Variants in CAV2 observed in about 807,000 individuals in gnomAD.
CAV2 encodes the protein caveolin 2.
Under a neutral mutation model 15.5 loss-of-function variants are expected in CAV2, and 7 were observed. That is an observed-to-expected ratio of 0.45 (90% CI 0.26 to 0.85). CAV2 has a LOEUF of 0.85. Ranked by LOEUF, CAV2 falls within the 40% of genes least tolerant of loss-of-function variation. The pLI is 0.18. For synonymous variants in CAV2, 76 were observed against 83.1 expected, an observed-to-expected ratio of 0.91 and a Z score of 0.46; for missense variants, 229 against 208.8, an observed-to-expected ratio of 1.10 and a Z score of -0.60.
At chr7:116,499,985 C>T in intron 1 of CAV2, 54 bp downstream of exon 1, 2 of 1,583,770 alleles carry the variant, frequency 1.3e-6, no homozygotes, top group Non-Finnish European at 1.7e-6. Flanking sequence ...GAGGTGCGGG[C>T]GCCCCTCAGC....
chr7:116,503,883 AAGAGAGGGAGGGAGGG>A (rs1216602200), intron 2 of CAV2, among the ~76,000 whole-genome samples: 3 of 48,580 alleles, frequency 6.2e-5, no homozygotes. Context: ...GAGAGAAAGA[AAGAGAGGGAGGGAGGG>A]AGGGAGGGAG....
At chr7:116,505,270 C>A (rs913186824) in intron 2 of CAV2, among the ~76,000 whole-genome samples, 2 of 152,134 alleles carry the variant, frequency 1.3e-5, no homozygotes, top group Admixed American at 6.5e-5. Context: ...CTGGCAGAGA[C>A]CAGGTAGATA....
rs1366810891 is a variant in CAV2, at chr7:116,506,118, T to C, written c.486T>C (p.Asp162=). The C allele has an allele frequency of 7.4e-6, 12 of 1,614,110 alleles. No individual in the cohort carries two copies. Among genetic ancestry groups the C allele is most frequent in the Middle Eastern group, 1.6e-4 (1 of 6,062 alleles). The change falls in exon 3 of 3, where the codon GAT becomes GAC. Residue 162 remains aspartate, a synonymous_variant. Coordinates refer to ENST00000222693, the MANE Select transcript of CAV2 (RefSeq NM_001233.5). ...FSSVSLQLSQ[D] ...CTGTCAGCCTGCAACTGAGCCAGGA[T>C]TGAATACTTGGACCCCAGGTCTGGA...
chr7:116,500,467 G>A lies in CAV2; in HGVS notation c.338+20G>A. On this transcript the variant is annotated intron_variant, in intron 2 of 2. Transcript: ENST00000222693. The stretch of plus-strand genomic sequence containing the variant: ...CATCTGGTGAGACGGGGCACACCGG[G>A]TGGACCGGCTTTCTGAAACATGGGC... 1 of 1,605,384 alleles carries A rather than the reference G, an allele frequency of 6.2e-7. No individual in the cohort carries two copies. Among genetic ancestry groups the A allele is most frequent in the Non-Finnish European group, 8.5e-7 (1 of 1,175,208 alleles).
At position 116,499,890 on chromosome 7, in the gene CAV2, G is replaced by T; in HGVS notation, c.109G>T (p.Asp37Tyr). 1 of 1,612,096 alleles carries T rather than the reference G, an allele frequency of 6.2e-7. No homozygotes were observed. Among genetic ancestry groups the T allele is most frequent in the Non-Finnish European group, 8.5e-7 (1 of 1,179,502 alleles). ...CGACCCCGAGAAGTTCGCGGACTCG[G>T]ACCAGGACCGGGATCCCCACCGGCT... ...YADPEKFADSDQDRDPHRLNS... is the reference protein window; with the variant it reads ...YADPEKFADSYQDRDPHRLNS... The change falls in exon 1 of 3, where the codon GAC (aspartate) becomes TAC (tyrosine). Residue 37 changes from aspartate to tyrosine, a missense_variant. By Grantham distance (160) the Asp-to-Tyr change is radical. Transcript: ENST00000222693.
chr7:116,508,384 T>C lies in CAV2; in HGVS notation c.*2263T>C, dbSNP rs1793294030. On this transcript the variant is annotated 3_prime_UTR_variant, in exon 3 of 3. Coordinates refer to ENST00000222693, the MANE Select transcript of CAV2 (RefSeq NM_001233.5). The stretch of plus-strand genomic sequence containing the variant: ...TGGTTACTTTCAAAATGAATTTTTA[T>C]TGAGATTTTCCATTAACTATTTTTT... The C allele has an allele frequency of 6.6e-6, 1 of 152,194 alleles. No homozygotes were observed. The highest frequency in any genetic ancestry group is 1.5e-5 in the Non-Finnish European group (1 of 68,016). The allele number at this position is 152,194 out of a possible 1,614,324, so 9.4% of individuals were successfully genotyped here. A position where few individuals can be genotyped will look rare whatever the true frequency, so the allele number is the denominator to read the frequency against.
chr7:116,500,236 G>C (rs752639459), intron 1 of CAV2, 24 bp from the exon 2 acceptor site: 63 of 1,606,162 alleles, frequency 3.9e-5, no homozygotes, highest in Non-Finnish European at 5.4e-5. Context: ...GACAGTTCGG[G>C]GTCCCTGCGT....
In CAV2 at chr7:116,506,951, T is replaced by C. The variant is rs1793251568; in HGVS notation, c.*830T>C. ...AAGAGCGATACACAAAGCTTTCTTT[T>C]CTAACTTTTCCAAGCAAAATCTAAA... On this transcript the variant is annotated 3_prime_UTR_variant, in exon 3 of 3. Coordinates refer to ENST00000222693, the MANE Select transcript of CAV2 (RefSeq NM_001233.5). 1 of 152,308 alleles carries C rather than the reference T, an allele frequency of 6.6e-6. No individual in the cohort carries two copies. The highest frequency in any genetic ancestry group is 2.4e-5 in the African/African-American group (1 of 41,468). The allele number at this position is 152,308 out of a possible 1,614,324, so 9.4% of individuals were successfully genotyped here.
rs1237454055 is a variant in CAV2 at position 116,500,414 on chromosome 7, T to G, written c.305T>G (p.Ile102Ser). Reference protein sequence around the residue: ...LAIPLAFIAGILFATLSCLHI... With the variant: ...LAIPLAFIAGSLFATLSCLHI... ...ATTCCCCTGGCCTTCATTGCGGGAA[T>G]TCTCTTTGCCACCCTCAGCTGTCTG... is the stretch of plus-strand genomic sequence containing the variant. Residue 102 changes from isoleucine to serine, a missense_variant, in exon 2 of 3, where the codon ATT becomes AGT. Transcript: ENST00000222693. 6.2e-7 allele frequency: 1 copy of G among 1,614,040 alleles called. No homozygotes were observed. The highest frequency in any genetic ancestry group is 1.7e-5 in the Admixed American group (1 of 60,024).
Position 116,500,326 on chromosome 7 carries a change from A to G in CAV2, c.217A>G (p.Ser73Gly). ...CTCCTTTGACAAAGTGTGGATCTGCAGCCATGCCCTCTTTGAAATCAGCAA... is the reference window on the plus strand; with the variant it reads ...CTCCTTTGACAAAGTGTGGATCTGCGGCCATGCCCTCTTTGAAATCAGCAA... ...THSFDKVWIC[S>G]HALFEISKYV... The change falls in exon 2 of 3, where the codon AGC becomes GGC. Residue 73 changes from serine (S) to glycine (G), a missense_variant. Transcript: ENST00000222693. 1.2e-6 allele frequency: 2 copies of G among 1,613,898 alleles called. No individual in the cohort carries two copies. The highest frequency in any genetic ancestry group is 1.7e-6 in the Non-Finnish European group (2 of 1,179,930).
chr7:116,506,765 G>C lies in CAV2; in HGVS notation c.*644G>C, dbSNP rs2116141243. On this transcript the variant is annotated 3_prime_UTR_variant, in exon 3 of 3. Transcript: ENST00000222693. ...ATATTTTGTAGTTAATATAAATGTT[G>C]CTCTAATCAGATTGCTTAAAAGCAT... The C allele has an allele frequency of 6.6e-6, 1 of 152,204 alleles. No individual in the cohort carries two copies. Among genetic ancestry groups the C allele is most frequent in the Non-Finnish European group, 1.5e-5 (1 of 67,994 alleles). The allele number at this position is 152,204 out of a possible 1,614,324, so 9.4% of individuals were successfully genotyped here. A position where few individuals can be genotyped will look rare whatever the true frequency, so the allele number is the denominator to read the frequency against.
intron 2 of CAV2, among the ~76,000 whole-genome samples, chr7:116,503,306 G>T (rs1172815487): frequency 6.6e-6 from 1 of 152,068 alleles, no homozygotes; most frequent in Non-Finnish European, 1.5e-5. Context: ...TAAGTTTGAT[G>T]TCGGAGGATC....
intron 2 of CAV2, among the ~76,000 whole-genome samples, chr7:116,503,547 G>T (rs968923744): frequency 6.6e-6 from 1 of 152,098 alleles, no homozygotes; most frequent in Non-Finnish European, 1.5e-5. Flanking sequence ...ATTGTATTCT[G>T]GCTGGGAGCA....
intron 2 of CAV2, 23 bp from the exon 3 acceptor site, chr7:116,505,948 A>T (rs768945433): frequency 6.4e-7 from 1 of 1,573,890 alleles, no homozygotes. Context: ...CAATCCTCAC[A>T]CATCTCTCTT....
Position 116,507,784 on chromosome 7 carries a change from A to G in CAV2, c.*1663A>G, listed in dbSNP as rs1793276635. The G allele has an allele frequency of 6.6e-6, 1 of 152,242 alleles. No individual in the cohort carries two copies. Among genetic ancestry groups the G allele is most frequent in the Non-Finnish European group, 1.5e-5 (1 of 68,042 alleles). 9.4% of individuals were successfully genotyped at this position (152,242 alleles called of 1,614,324 possible). A position where few individuals can be genotyped will look rare whatever the true frequency, so the allele number is the denominator to read the frequency against. On this transcript the variant is annotated 3_prime_UTR_variant, in exon 3 of 3. Coordinates refer to ENST00000222693, the MANE Select transcript of CAV2 (RefSeq NM_001233.5). ...TGTGAGTAGTTACTAAAATTTACAC[A>G]TCTTAAAAGTGTGTAAATGCTTAAA... is the stretch of plus-strand genomic sequence containing the variant.
At chr7:116,503,877 G>A (rs1246308581) in intron 2 of CAV2, among the ~76,000 whole-genome samples, 1 of 77,102 alleles carries the variant, frequency 1.3e-5, no homozygotes, top group Non-Finnish European at 2.4e-5. Context: ...AAGAAAGAGA[G>A]AAAGAAAGAG....
At chr7:116,501,134 A>G (rs895187622) in intron 2 of CAV2, 2 of 152,258 alleles carry the variant, frequency 1.3e-5, no homozygotes, top group African/African-American at 4.8e-5. Context: ...GGGGAAAGAA[A>G]TATGGAAGCC....
At position 116,506,913 on chromosome 7, in the gene CAV2, A is replaced by T. The variant is rs563679671; in HGVS notation, c.*792A>T. On this transcript the variant is annotated 3_prime_UTR_variant, in exon 3 of 3. Transcript: ENST00000222693. The stretch of plus-strand genomic sequence containing the variant: ...GTAAGCATTTGTACATCTTCTTTGG[A>T]AATAAAAGATAAAAGAGCGATACAC... 5.1e-4 allele frequency: 77 copies of T among 152,350 alleles called. 1 individual carries two copies. The highest frequency in any genetic ancestry group is 1.8e-3 in the African/African-American group (76 of 41,600). The allele number at this position is 152,350 out of a possible 1,614,324, so 9.4% of individuals were successfully genotyped here. A position where few individuals can be genotyped will look rare whatever the true frequency, so the allele number is the denominator to read the frequency against.
At chr7:116,500,746 C>G (rs1793084764) in intron 2 of CAV2, 2 of 350,092 alleles carry the variant, frequency 5.7e-6, no homozygotes, top group African/African-American at 4.2e-5. Context: ...CACTTCTTAC[C>G]ACAGGCTGCT....
Sources: gnomAD v4.1 joint callset for allele counts (sites outside exome capture counted in the v4.1 genomes callset) on GRCh38, gnomAD v4.1.1 for gene constraint, MANE v1.5 for transcripts, NCBI Gene and HGNC (gene_info 2026-07-23, HGNC 2026-07-21) for gene names.